Variants in PIP5K1B observed in about 807,000 individuals in gnomAD.
The protein encoded by PIP5K1B is phosphatidylinositol 4-phosphate 5-kinase type-1 beta.
Under a neutral mutation model 67.0 loss-of-function variants are expected in PIP5K1B, and 42 were observed. That is an observed-to-expected ratio of 0.63 (90% CI 0.49 to 0.81). The LOEUF (loss-of-function observed/expected upper bound fraction) is 0.81, where lower values mean the gene tolerates loss of function less well. Ranked by LOEUF, PIP5K1B falls within the 30% of genes least tolerant of loss-of-function variation. The pLI is 0.00. For synonymous variants in PIP5K1B, 214 were observed against 231.4 expected, an observed-to-expected ratio of 0.92 and a Z score of 0.68; for missense variants, 459 against 646.3, an observed-to-expected ratio of 0.71 and a Z score of 3.14.
intron 2 of PIP5K1B, among the ~76,000 whole-genome samples, chr9:68,776,317 A>G (rs1429150842): frequency 2.6e-5 from 4 of 152,346 alleles, no homozygotes; most frequent in East Asian, 1.9e-4. Flanking sequence ...AGAAATTAAA[A>G]GAAAACTATC....
intron 6 of PIP5K1B, among the ~76,000 whole-genome samples, chr9:68,877,130 A>G (rs1823938218): frequency 6.6e-6 from 1 of 152,212 alleles, no homozygotes; most frequent in African/African-American, 2.4e-5. Context: ...AAGCCTTTCT[A>G]TGTTAATTGC....
At chr9:68,792,765 C>T (rs1832054494) in intron 2 of PIP5K1B, among the ~76,000 whole-genome samples, 1 of 152,168 alleles carries the variant, frequency 6.6e-6, no homozygotes, top group South Asian at 2.1e-4. Context: ...AGGCGTGAGC[C>T]ACTGCGCCTG....
chr9:68,801,470 A>C (rs1832600299), intron 2 of PIP5K1B, among the ~76,000 whole-genome samples: 1 of 152,244 alleles, frequency 6.6e-6, no homozygotes, highest in African/African-American at 2.4e-5. Context: ...ACATCCGCAC[A>C]GTGGTGGGTG....
chr9:68,829,914 G>T (rs1834192670), intron 4 of PIP5K1B, among the ~76,000 whole-genome samples: 1 of 152,152 alleles, frequency 6.6e-6, no homozygotes, highest in Admixed American at 6.5e-5. Flanking sequence ...GTTCTATGGG[G>T]ACGGAGCACT....
chr9:69,002,169 T>C (rs1374269443), intron 15 of PIP5K1B, among the ~76,000 whole-genome samples: 1 of 152,104 alleles, frequency 6.6e-6, no homozygotes, highest in Non-Finnish European at 1.5e-5. Context: ...GTCTACCAGA[T>C]CTGGAACAAA....
intron 4 of PIP5K1B, among the ~76,000 whole-genome samples, chr9:68,845,889 T>C (rs1822164904): frequency 6.6e-6 from 1 of 152,214 alleles, no homozygotes; most frequent in East Asian, 1.9e-4. Flanking sequence ...TTGAAAAACA[T>C]GTAAATGAAC....
chr9:68,729,788 A>C (rs1828332618), intron 1 of PIP5K1B, among the ~76,000 whole-genome samples: 1 of 152,102 alleles, frequency 6.6e-6, no homozygotes, highest in Non-Finnish European at 1.5e-5. Context: ...GCTGTGTAGA[A>C]TTTGGTATTT....
chr9:68,822,561 T>C, intron 3 of PIP5K1B, 54 bp from the exon 4 acceptor site: 1 of 1,217,892 alleles, frequency 8.2e-7, no homozygotes, highest in East Asian at 2.4e-5. Flanking sequence ...ATTATTAATA[T>C]ATTGTATTTC....
intron 1 of PIP5K1B, among the ~76,000 whole-genome samples, chr9:68,713,520 A>T (rs567746531): frequency 6.6e-6 from 1 of 152,220 alleles, no homozygotes; most frequent in Non-Finnish European, 1.5e-5. Context: ...TGCTCCAAGT[A>T]TAAGCCTCCT....
chr9:68,932,306 G>A (rs545674400), intron 12 of PIP5K1B, among the ~76,000 whole-genome samples: 20 of 151,942 alleles, frequency 1.3e-4, no homozygotes, highest in Non-Finnish European at 2.8e-4. Context: ...TTGGTCTCAG[G>A]GCCACATTAC....
chr9:68,735,162 C>T (rs1828662548), intron 1 of PIP5K1B, among the ~76,000 whole-genome samples: 1 of 152,010 alleles, frequency 6.6e-6, no homozygotes, highest in Admixed American at 6.6e-5. Context: ...ATTTAGAGCA[C>T]TATTACAAAT....
At chr9:68,941,784 A>G (rs1348454596) in intron 14 of PIP5K1B, among the ~76,000 whole-genome samples, 4 of 152,212 alleles carry the variant, frequency 2.6e-5, no homozygotes, top group Admixed American at 2.0e-4. Context: ...ATTTATTTTT[A>G]ATATATGGAT....
intron 6 of PIP5K1B, among the ~76,000 whole-genome samples, chr9:68,882,176 T>C (rs1191076344): frequency 6.6e-6 from 1 of 152,212 alleles, no homozygotes; most frequent in African/African-American, 2.4e-5. Flanking sequence ...GGAGCACACA[T>C]GGGGGCTTTT....
At chr9:69,008,150 C>T (rs909677856) in intron 15 of PIP5K1B, among the ~76,000 whole-genome samples, 3 of 152,206 alleles carry the variant, frequency 2.0e-5, no homozygotes, top group African/African-American at 7.2e-5. Flanking sequence ...CATCCCTGTG[C>T]ACTTGGAGGG....
chr9:69,006,022 G>A (rs1831062904), intron 15 of PIP5K1B, among the ~76,000 whole-genome samples: 1 of 152,002 alleles, frequency 6.6e-6, no homozygotes, highest in Non-Finnish European at 1.5e-5. Flanking sequence ...TGGGACCACA[G>A]GCACATGCCA....
intron 2 of PIP5K1B, among the ~76,000 whole-genome samples, chr9:68,756,508 A>T (rs1829931973): frequency 6.6e-6 from 1 of 152,236 alleles, no homozygotes; most frequent in Non-Finnish European, 1.5e-5. Flanking sequence ...AATTTTGAAC[A>T]TCTTTTTGTC....
At chr9:68,784,833 A>G (rs951917951) in intron 2 of PIP5K1B, among the ~76,000 whole-genome samples, 1 of 152,208 alleles carries the variant, frequency 6.6e-6, no homozygotes, top group Non-Finnish European at 1.5e-5. Context: ...TGAAAAGGCT[A>G]GGCAAAGATA....
At chr9:68,738,555 G>A (rs986567651) in intron 1 of PIP5K1B, among the ~76,000 whole-genome samples, 6 of 152,150 alleles carry the variant, frequency 3.9e-5, no homozygotes, top group African/African-American at 1.4e-4. Context: ...TTGGATCTGC[G>A]TATTCTCATC....
At chr9:68,939,176 G>A (rs1356514470) in intron 13 of PIP5K1B, among the ~76,000 whole-genome samples, 1 of 152,166 alleles carries the variant, frequency 6.6e-6, no homozygotes, top group Non-Finnish European at 1.5e-5. Flanking sequence ...AAAGCATATG[G>A]GAGCATGAGG....
Sources: allele counts gnomAD v4.1 joint callset (sites outside exome capture counted in the v4.1 genomes callset), GRCh38; gene constraint gnomAD v4.1.1; transcripts MANE v1.5; gene names NCBI Gene and HGNC (gene_info 2026-07-23, HGNC 2026-07-21).